NRG1: variants seen among roughly 807,000 people sequenced by gnomAD.
NRG1 encodes neuregulin 1.
Under a neutral mutation model 63.8 loss-of-function variants are expected in NRG1, and 18 were observed. That is an observed-to-expected ratio of 0.28 (90% CI 0.19 to 0.42). The LOEUF (loss-of-function observed/expected upper bound fraction) is 0.42, where lower values mean the gene tolerates loss of function less well. Ranked by LOEUF, NRG1 falls within the 10% of genes least tolerant of loss-of-function variation. The probability of loss-of-function intolerance (pLI) is 1.00; values close to 1 mark genes in which losing one functional copy is unlikely to be tolerated. For synonymous variants in NRG1, 302 were observed against 301.3 expected (o/e 1.00, Z -0.02); for missense variants, 762 against 814.7 (o/e 0.94, Z 0.79).
At chr8:32,298,019 C>A (rs1445689353) in intron 1 of NRG1, among the ~76,000 whole-genome samples, 1 of 152,170 alleles carries the variant, frequency 6.6e-6, no homozygotes, top group African/African-American at 2.4e-5. Flanking sequence ...GTGAGAACAT[C>A]ACTTAAATAA....
At chr8:31,706,679 C>A (rs1264271868) in intron 1 of NRG1, among the ~76,000 whole-genome samples, 3 of 152,142 alleles carry the variant, frequency 2.0e-5, no homozygotes, top group African/African-American at 7.2e-5. Context: ...TGAGATTGTT[C>A]CTTTTTCCTC....
At chr8:31,900,069 G>A (rs1161614716) in intron 1 of NRG1, among the ~76,000 whole-genome samples, 1 of 152,200 alleles carries the variant, frequency 6.6e-6, no homozygotes. Flanking sequence ...GGCAGCAAAT[G>A]AGTAATTTGT....
chr8:32,329,108 G>A (rs924524460), intron 1 of NRG1, among the ~76,000 whole-genome samples: 3 of 151,998 alleles, frequency 2.0e-5, no homozygotes, highest in African/African-American at 4.8e-5. Flanking sequence ...CTGGCACTAT[G>A]GGCATGCATC....
At chr8:32,718,418 C>T (rs947291718) in intron 5 of NRG1, among the ~76,000 whole-genome samples, 1 of 152,136 alleles carries the variant, frequency 6.6e-6, no homozygotes, top group South Asian at 2.1e-4. Flanking sequence ...TATCCTCAAA[C>T]CCTCTTCTAC....
intron 1 of NRG1, among the ~76,000 whole-genome samples, chr8:31,879,617 C>T (rs551483469): frequency 1.3e-3 from 194 of 152,118 alleles, no homozygotes; most frequent in Non-Finnish European, 1.7e-3. Context: ...AAGATAAACA[C>T]GTCATGGGGG....
intron 1 of NRG1, among the ~76,000 whole-genome samples, chr8:32,271,410 AGAG>A (rs1312498468): frequency 6.6e-6 from 1 of 152,186 alleles, no homozygotes; most frequent in Non-Finnish European, 1.5e-5. Flanking sequence ...CAGGCATAGA[AGAG>A]GAGAAGAGAC....
chr8:31,897,302 A>C (rs1159093873), intron 1 of NRG1, among the ~76,000 whole-genome samples: 2 of 152,078 alleles, frequency 1.3e-5, no homozygotes, highest in African/African-American at 4.8e-5. Context: ...ATTAACATTA[A>C]AATAGATTTT....
intron 5 of NRG1, among the ~76,000 whole-genome samples, chr8:32,672,624 T>C (rs1223076613): frequency 1.3e-5 from 2 of 152,232 alleles, no homozygotes; most frequent in African/African-American, 4.8e-5. Flanking sequence ...TTAATTTACA[T>C]AGGTACACAG....
At chr8:31,995,142 T>TA (rs941377824) in intron 1 of NRG1, among the ~76,000 whole-genome samples, 2 of 151,968 alleles carry the variant, frequency 1.3e-5, no homozygotes, top group Non-Finnish European at 2.9e-5. Context: ...TTCCCAGAGT[T>TA]ACAATTTAAC....
chr8:31,716,540 A>G (rs1214968144), intron 1 of NRG1, among the ~76,000 whole-genome samples: 5 of 152,236 alleles, frequency 3.3e-5, no homozygotes, highest in Non-Finnish European at 7.3e-5. Context: ...TCAGAGAAGG[A>G]CAACATAAAC....
At chr8:32,170,542 T>C (rs1046928746) in intron 1 of NRG1, among the ~76,000 whole-genome samples, 2 of 152,220 alleles carry the variant, frequency 1.3e-5, no homozygotes, top group Non-Finnish European at 2.9e-5. Flanking sequence ...GCCCTGACTC[T>C]AGAGCCACTG....
At chr8:32,040,123 A>G (rs1482839074) in intron 1 of NRG1, among the ~76,000 whole-genome samples, 4 of 152,206 alleles carry the variant, frequency 2.6e-5, no homozygotes, top group Non-Finnish European at 4.4e-5. Context: ...AGAGTTCACA[A>G]TAAAGGGATT....
intron 1 of NRG1, among the ~76,000 whole-genome samples, chr8:32,261,349 G>C (rs1227124003): frequency 7.2e-6 from 1 of 139,350 alleles, no homozygotes; most frequent in Non-Finnish European, 1.5e-5. Flanking sequence ...CTCTACCTAT[G>C]CTCCTATTAG....
intron 1 of NRG1, among the ~76,000 whole-genome samples, chr8:32,325,452 G>GC (rs1801883747): frequency 1.3e-5 from 2 of 152,176 alleles, no homozygotes; most frequent in African/African-American, 4.8e-5. Context: ...CACAAACGTG[G>GC]CTCACTGCAG....
intron 1 of NRG1, among the ~76,000 whole-genome samples, chr8:32,053,517 T>A (rs1822331296): frequency 6.6e-6 from 1 of 152,282 alleles, no homozygotes; most frequent in African/African-American, 2.4e-5. Context: ...GAGGGGGTCA[T>A]GTTTTGGGGA....
intron 1 of NRG1, among the ~76,000 whole-genome samples, chr8:31,886,045 A>G (rs963928414): frequency 6.6e-6 from 1 of 152,076 alleles, no homozygotes. Flanking sequence ...TCAGGATATG[A>G]GTAAGAATTA....
At chr8:32,700,327 G>A (rs762769362) in intron 5 of NRG1, among the ~76,000 whole-genome samples, 4 of 152,084 alleles carry the variant, frequency 2.6e-5, no homozygotes, top group Admixed American at 1.3e-4. Flanking sequence ...AATACTGTGA[G>A]TGAAATGATA....
intron 1 of NRG1, among the ~76,000 whole-genome samples, chr8:31,908,552 C>G (rs1219632017): frequency 1.3e-5 from 2 of 152,192 alleles, no homozygotes. Flanking sequence ...TATCCATCAC[C>G]TCCAAAATTT....
chr8:31,720,137 G>A (rs73672719), intron 1 of NRG1, among the ~76,000 whole-genome samples: 11,767 of 152,078 alleles, frequency 0.077, 1,482 homozygotes, highest in African/African-American at 0.27. Flanking sequence ...CTCTATGATA[G>A]CATGTATGAA....
Sources: allele counts gnomAD v4.1 joint callset (sites outside exome capture counted in the v4.1 genomes callset), GRCh38; gene constraint gnomAD v4.1.1; transcripts MANE v1.5; gene names NCBI Gene and HGNC (gene_info 2026-07-23, HGNC 2026-07-21).